C10orf67: variants seen among roughly 807,000 people sequenced by gnomAD.
C10orf67 encodes the protein chromosome 10 open reading frame 67, also known as uncharacterized protein C10orf67, mitochondrial.
In C10orf67, 60 loss-of-function variants were observed where a neutral mutation model predicts 35.6. That is an observed-to-expected ratio of 1.68 (90% confidence interval 1.37 to 2.09). The LOEUF (loss-of-function observed/expected upper bound fraction) is 2.09. Ranked by LOEUF, C10orf67 falls within the 30% of genes most tolerant of loss-of-function variation. The pLI is 0.00. For missense variants in C10orf67, 474 were observed against 330.2 expected, an observed-to-expected ratio of 1.44 and a Z score of -3.38; for synonymous variants, 167 against 115.8, an observed-to-expected ratio of 1.44 and a Z score of -2.84.
In C10orf67 at chr10:23,220,568, C is replaced by A. The variant is rs142678677; in HGVS notation, c.1570+3030G>T. ...ATTTTCCATGTTGTCATGCATGAATCTTGGGGCAGGTGAAAATAATTGAGT... is the reference window on the plus strand; with the variant it reads ...ATTTTCCATGTTGTCATGCATGAATATTGGGGCAGGTGAAAATAATTGAGT... On this transcript the variant is annotated intron_variant, in intron 15 of 15. Coordinates refer to ENST00000636213, the MANE Select transcript of C10orf67 (RefSeq NM_001371909.1). Among the ~76,000 whole-genome samples the A allele has an allele frequency of 2.0e-3, 309 of 152,222 alleles. 3 individuals are homozygous for A. The highest frequency in any genetic ancestry group is 5.9e-3 in the African/African-American group (246 of 41,548).
At chr10:23,234,010 G>A (rs1841976940) in intron 13 of C10orf67, among the ~76,000 whole-genome samples, 1 of 152,044 alleles carries the variant, frequency 6.6e-6, no homozygotes, top group South Asian at 2.1e-4. Flanking sequence ...AATAAATGAA[G>A]GTGAGATTTT....
chr10:23,292,523 C>A (rs1843752391), intron 5 of C10orf67, among the ~76,000 whole-genome samples: 1 of 152,076 alleles, frequency 6.6e-6, no homozygotes, highest in Non-Finnish European at 1.5e-5. Context: ...AATCTTCCCT[C>A]AAAAACAAAA....
At chr10:23,253,789 A>G (rs1027158676) in intron 10 of C10orf67, among the ~76,000 whole-genome samples, 4 of 152,176 alleles carry the variant, frequency 2.6e-5, no homozygotes, top group Admixed American at 6.5e-5. Flanking sequence ...TCTAAAATCT[A>G]TCTTCTGTAA....
At chr10:23,261,801 G>C (rs1175671386) in intron 10 of C10orf67, among the ~76,000 whole-genome samples, 7 of 152,106 alleles carry the variant, frequency 4.6e-5, no homozygotes, top group Non-Finnish European at 1.0e-4. Context: ...GAATCAATAA[G>C]AGGAAACAAA....
intron 13 of C10orf67, among the ~76,000 whole-genome samples, chr10:23,237,001 ATAGTATCCGACAGG>A (rs1163362804): frequency 6.6e-6 from 1 of 152,178 alleles, no homozygotes; most frequent in Non-Finnish European, 1.5e-5. Context: ...GGTAGTAAGC[ATAGTATCCGACAGG>A]TAGTTTTTTA....
chr10:23,336,693 T>C (rs1053447438), intron 1 of C10orf67, among the ~76,000 whole-genome samples: 1 of 152,156 alleles, frequency 6.6e-6, no homozygotes, highest in Non-Finnish European at 1.5e-5. Context: ...TTTGTATTTT[T>C]AGTAGAGATG....
At chr10:23,286,924 A>G (rs1254370620) in intron 7 of C10orf67, among the ~76,000 whole-genome samples, 1 of 152,210 alleles carries the variant, frequency 6.6e-6, no homozygotes, top group African/African-American at 2.4e-5. Context: ...AATACTTCTT[A>G]AAAGTAGTTT....
intron 12 of C10orf67, among the ~76,000 whole-genome samples, chr10:23,247,880 C>A (rs1363548598): frequency 6.6e-6 from 1 of 152,154 alleles, no homozygotes; most frequent in East Asian, 1.9e-4. Flanking sequence ...CTTTCTTTAC[C>A]TGTGTGGTGA....
At chr10:23,317,337 G>A (rs1488819540) in intron 4 of C10orf67, 2 of 152,286 alleles carry the variant, frequency 1.3e-5, no homozygotes, top group African/African-American at 4.8e-5. Context: ...GAGCCTGTGG[G>A]AGCAGGGGGG....
At chr10:23,263,675 C>T (rs1776634299) in intron 10 of C10orf67, among the ~76,000 whole-genome samples, 1 of 152,168 alleles carries the variant, frequency 6.6e-6, no homozygotes, top group Non-Finnish European at 1.5e-5. Flanking sequence ...CAGGTTACCC[C>T]ATGGAAGCTC....
chr10:23,332,491 T>C (rs1374565156), intron 2 of C10orf67, among the ~76,000 whole-genome samples: 1 of 152,110 alleles, frequency 6.6e-6, no homozygotes, highest in Non-Finnish European at 1.5e-5. Flanking sequence ...AATAGCAGCC[T>C]GAAAAACATG....
At chr10:23,232,195 G>T (rs1841931561) in intron 13 of C10orf67, among the ~76,000 whole-genome samples, 1 of 151,778 alleles carries the variant, frequency 6.6e-6, no homozygotes, top group African/African-American at 2.4e-5. Flanking sequence ...GTTATTCATG[G>T]GTTATTTAAC....
At chr10:23,277,935 G>A (rs749287356) in intron 8 of C10orf67, among the ~76,000 whole-genome samples, 6 of 152,150 alleles carry the variant, frequency 3.9e-5, no homozygotes, top group Non-Finnish European at 8.8e-5. Context: ...TCCAATCATG[G>A]TGGAAGGTGA....
intron 13 of C10orf67, among the ~76,000 whole-genome samples, chr10:23,231,689 G>A (rs1261294649): frequency 6.6e-6 from 1 of 152,212 alleles, no homozygotes; most frequent in Non-Finnish European, 1.5e-5. Context: ...CTGTGTATCA[G>A]GTGAAACTAG....
At chr10:23,261,512 A>G (rs1453830965) in intron 10 of C10orf67, among the ~76,000 whole-genome samples, 3 of 152,038 alleles carry the variant, frequency 2.0e-5, no homozygotes, top group East Asian at 3.9e-4. Context: ...GGGTCTCACT[A>G]TGTTGCCCAG....
chr10:23,329,041 A>G (rs375525341), intron 2 of C10orf67, among the ~76,000 whole-genome samples: 3 of 150,946 alleles, frequency 2.0e-5, no homozygotes, highest in African/African-American at 7.3e-5. Flanking sequence ...AAAGAAAAGA[A>G]AGAAAGAGTA....
At position 23,291,276 on chromosome 10, in the gene C10orf67, A is replaced by C. The variant is rs1468295066; in HGVS notation, c.706T>G (p.Ser236Ala). 2.8e-6 allele frequency: 2 copies of C among 714,088 alleles called. No individual in the cohort carries two copies. The allele number at this position is 714,088 out of a possible 1,614,324, so 44.2% of individuals were successfully genotyped here. ...GGAGAGCTGGTTTCTTTGGCAAAAGATTCCTAAAAGATGGAGAATGCCATA... is the reference window on the plus strand; with the variant it reads ...GGAGAGCTGGTTTCTTTGGCAAAAGCTTCCTAAAAGATGGAGAATGCCATA... The part of the protein sequence containing the change: ...YKDFGFHKME[S>A]FAKETSSPKS... The change falls in exon 6 of 16, where the codon TCT becomes GCT. Residue 236 changes from serine to alanine, a missense_variant. By Grantham distance (99) the Ser-to-Ala change is moderately conservative. Coordinates refer to ENST00000636213, the MANE Select transcript of C10orf67 (RefSeq NM_001371909.1).
intron 6 of C10orf67, 116 bp from the exon 7 acceptor site, chr10:23,290,074 C>T (rs1377015182): frequency 9.5e-6 from 6 of 628,890 alleles, no homozygotes; most frequent in Non-Finnish European, 1.7e-5. Context: ...GGACACAAGG[C>T]CTAGCAGGAC....
chr10:23,239,094 G>T lies in C10orf67; in HGVS notation c.1434+635C>A, dbSNP rs75139182. On this transcript the variant is annotated intron_variant, in intron 13 of 15. Coordinates refer to ENST00000636213, the MANE Select transcript of C10orf67 (RefSeq NM_001371909.1). ...AGGCCCTTCCCCACAAACCCGACTT[G>T]TCCTCAGAGCACTTAGCATCACAGC... Among the ~76,000 whole-genome samples, 73 of 152,084 alleles carry T rather than the reference G, an allele frequency of 4.8e-4. No homozygotes were observed. In the East Asian group the frequency reaches 5.0e-3, roughly 10 times the overall value.
Sources: allele counts gnomAD v4.1 joint callset (sites outside exome capture counted in the v4.1 genomes callset), GRCh38; gene constraint gnomAD v4.1.1; transcripts MANE v1.5; gene names NCBI Gene and HGNC (gene_info 2026-07-23, HGNC 2026-07-21).